Variants in LHX9 observed in about 807,000 individuals in gnomAD.
LHX9 encodes the protein LIM homeobox 9.
LHX9 carries 9 observed loss-of-function variants against 36.5 expected under a neutral mutation model. The ratio of observed to expected loss-of-function variants is 0.25; its 90% CI spans 0.15 to 0.43. LHX9 has a LOEUF of 0.43. Among genes scored for constraint, LHX9 ranks in the 20% least tolerant of loss-of-function variants. The pLI, the probability that LHX9 is intolerant of heterozygous loss-of-function variation, is 1.00. For missense variants in LHX9, 464 were observed against 526.4 expected, an observed-to-expected ratio of 0.88 and a Z score of 1.16; for synonymous variants, 211 against 212.1, an observed-to-expected ratio of 0.99 and a Z score of 0.04.
rs757308599 is a variant in LHX9, at chr1:197,929,041, C to A, written c.976C>A (p.Leu326Ile). Residue 326 changes from leucine (L) to isoleucine (I), a missense_variant, in exon 5 of 5, where the codon CTT (leucine) becomes ATT (isoleucine). Transcript: ENST00000367387. ...QNARAKFRRN[L>I]LRQENGGVDK... Reference sequence around the variant, plus strand: ...CGCACGAGCCAAATTCAGAAGGAACCTTTTGCGGCAGGAGAATGGGGGTGT... The same window carrying A: ...CGCACGAGCCAAATTCAGAAGGAACATTTTGCGGCAGGAGAATGGGGGTGT... 40 of 1,612,604 alleles carry A rather than the reference C, an allele frequency of 2.5e-5. No homozygotes were observed. The highest frequency in any genetic ancestry group is 3.4e-5 in the Non-Finnish European group (40 of 1,179,606).
chr1:197,916,019 C>A, upstream of LHX9: 1 of 152,286 alleles, frequency 6.6e-6, no homozygotes, highest in Non-Finnish European at 1.5e-5. Flanking sequence ...ACAGGCACCG[C>A]AGTCCTGGGA....
At chr1:197,913,958 A>G (rs1335548013), upstream of LHX9, among the ~76,000 whole-genome samples, 1 of 152,160 alleles carries the variant, frequency 6.6e-6, no homozygotes, top group Non-Finnish European at 1.5e-5. Flanking sequence ...CCTCCCCCCT[A>G]GGGAATTCTA....
chr1:197,923,354 T>A (rs1338144819), intron 3 of LHX9, among the ~76,000 whole-genome samples: 1 of 152,148 alleles, frequency 6.6e-6, no homozygotes, highest in East Asian at 1.9e-4. Context: ...GGAGATTTGG[T>A]TAGGGGCCAC....
At chr1:197,914,305 C>A (rs1659690035), upstream of LHX9, among the ~76,000 whole-genome samples, 2 of 152,182 alleles carry the variant, frequency 1.3e-5, no homozygotes, top group African/African-American at 4.8e-5. Flanking sequence ...GAACCACATG[C>A]ACCTGTCCCT....
At position 197,933,746 on chromosome 1, in the gene LHX9, A is replaced by G. The variant is rs1660387256; in HGVS notation, c.*4487A>G. 1 of 150,702 alleles carries G rather than the reference A, an allele frequency of 6.6e-6. No homozygotes were observed. The highest frequency in any genetic ancestry group is 2.4e-5 in the African/African-American group (1 of 41,220). 9.3% of individuals were successfully genotyped at this position (150,702 alleles called of 1,614,324 possible). ...ACAGGCACATTTTTTAAAACCAAAA[A>G]AAAAAAAAAAAAGAGAGAGAGAGAG... On this transcript the variant is annotated 3_prime_UTR_variant, in exon 5 of 5. Transcript: ENST00000367387.
rs551710008 is a variant in LHX9, at chr1:197,934,236, C to A, written c.*4977C>A. The A allele has an allele frequency of 1.4e-5, 2 of 147,492 alleles. No homozygotes were observed. Among genetic ancestry groups the A allele is most frequent in the South Asian group, 2.2e-4 (1 of 4,626 alleles). 9.1% of individuals were successfully genotyped at this position (147,492 alleles called of 1,614,324 possible). On this transcript the variant is annotated 3_prime_UTR_variant, in exon 5 of 5. Transcript: ENST00000367387. ...CTACCACACATTCTTTTATAATAAC[C>A]CTTTTTTGGGAGTCAAAGTATTGTT... is the stretch of plus-strand genomic sequence containing the variant.
chr1:197,919,052 G>T (rs1366759483), intron 1 of LHX9, among the ~76,000 whole-genome samples: 2 of 152,212 alleles, frequency 1.3e-5, no homozygotes, highest in East Asian at 3.8e-4. Flanking sequence ...CTGAAGTTTC[G>T]TGGGGAAGAT....
At position 197,921,306 on chromosome 1, in the gene LHX9, G is replaced by C; in HGVS notation, c.380G>C (p.Arg127Thr). 1 of 1,609,870 alleles carries C rather than the reference G, an allele frequency of 6.2e-7. No individual in the cohort carries two copies. Among genetic ancestry groups the C allele is most frequent in the South Asian group, 1.1e-5 (1 of 90,794 alleles). ...SIYCKEDYYR[R>T]FSVQRCARCH... is the part of the protein sequence containing the mutation. The stretch of plus-strand genomic sequence containing the variant: ...CTGACTCAACTCTTTCCTTCCAGAA[G>C]GTTCTCTGTGCAGAGATGTGCCCGC... The change falls in exon 3 of 5, where the codon AGG becomes ACG. Residue 127 changes from arginine to threonine, a missense_variant and splice_region_variant. By Grantham distance (71) the Arg-to-Thr change is moderately conservative. Transcript: ENST00000367387. The surrounding 1 kb of genome is among the most constrained non-coding windows in gnomAD (Gnocchi z 4.6).
At position 197,932,081 on chromosome 1, in the gene LHX9, A is replaced by T. The variant is rs947887969; in HGVS notation, c.*2822A>T. ...CATTAAAAAATTTATTAAGCCAAAA[A>T]AAAAGAGAGAGAGAGAGACTTAAAT... On this transcript the variant is annotated 3_prime_UTR_variant, in exon 5 of 5. Coordinates refer to ENST00000367387, the MANE Select transcript of LHX9 (RefSeq NM_020204.3). The T allele has an allele frequency of 1.3e-5, 10 of 742,992 alleles. No individual in the cohort carries two copies. Among genetic ancestry groups the T allele is most frequent in the Non-Finnish European group, 2.0e-5 (9 of 457,988 alleles). 46.0% of individuals were successfully genotyped at this position (742,992 alleles called of 1,614,324 possible). A position where few individuals can be genotyped will look rare whatever the true frequency, so the allele number is the denominator to read the frequency against.
chr1:197,919,863 C>T (rs1303218667), intron 1 of LHX9, 109 bp from the exon 2 acceptor site: 22 of 1,079,246 alleles, frequency 2.0e-5, no homozygotes, highest in Non-Finnish European at 2.9e-5. Flanking sequence ...GACCCTGGCC[C>T]CTGCCGCTCT....
At chr1:197,912,814 G>A (rs919975945), upstream of LHX9, 3 of 540,202 alleles carry the variant, frequency 5.6e-6, no homozygotes, top group Admixed American at 3.3e-5. Context: ...ATCAGTGTCC[G>A]GGGCGCCAGG....
chr1:197,934,971 G>T lies in LHX9; in HGVS notation c.*5712G>T, dbSNP rs913079231. 2.0e-5 allele frequency: 3 copies of T among 152,066 alleles called. No homozygotes were observed. The highest frequency in any genetic ancestry group is 7.2e-5 in the African/African-American group (3 of 41,416). The allele number at this position is 152,066 out of a possible 1,614,324, so 9.4% of individuals were successfully genotyped here. The stretch of plus-strand genomic sequence containing the variant: ...TTTTATTTTATGAGGTTCCCTGGCA[G>T]TTGGGGGGGTGGTGAGGTTGGGAGA... On this transcript the variant is annotated 3_prime_UTR_variant, in exon 5 of 5. Transcript: ENST00000367387.
At chr1:197,914,884 T>C (rs1451749527), upstream of LHX9, among the ~76,000 whole-genome samples, 1 of 152,228 alleles carries the variant, frequency 6.6e-6, no homozygotes, top group African/African-American at 2.4e-5. Flanking sequence ...ACTTGGAAAC[T>C]GATTGCAGAA....
intron 3 of LHX9, among the ~76,000 whole-genome samples, chr1:197,924,296 ACTAAAC>A (rs1267690551): frequency 6.6e-6 from 1 of 152,274 alleles, no homozygotes; most frequent in Non-Finnish European, 1.5e-5. Flanking sequence ...TAAGGTTGAT[ACTAAAC>A]TAAGTATAAT....
upstream of LHX9, among the ~76,000 whole-genome samples, chr1:197,914,401 A>ATTT (rs11390778): frequency 3.6e-3 from 529 of 148,706 alleles, 3 homozygotes; most frequent in East Asian, 0.014. Flanking sequence ...AAGGGGGAAC[A>ATTT]TTTTTTTTTT....
chr1:197,928,766 T>C (rs1660223045), intron 4 of LHX9, among the ~76,000 whole-genome samples: 1 of 151,798 alleles, frequency 6.6e-6, no homozygotes, highest in African/African-American at 2.4e-5. Flanking sequence ...CAGGGTGGAA[T>C]AAGTGCAGTT....
At position 197,933,722 on chromosome 1, in the gene LHX9, C is replaced by T. The variant is rs956217367; in HGVS notation, c.*4463C>T. The T allele has an allele frequency of 8.8e-6, 1 of 113,482 alleles. No individual in the cohort carries two copies. The highest frequency in any genetic ancestry group is 2.8e-4 in the South Asian group (1 of 3,538). 7.0% of individuals were successfully genotyped at this position (113,482 alleles called of 1,614,324 possible). ...CTGAAAAAAAAATACAAATTTGAAACAGGCACATTTTTTAAAACCAAAAAA... is the reference window on the plus strand; with the variant it reads ...CTGAAAAAAAAATACAAATTTGAAATAGGCACATTTTTTAAAACCAAAAAA... On this transcript the variant is annotated 3_prime_UTR_variant, in exon 5 of 5. Transcript: ENST00000367387.
At chr1:197,924,362 GA>G (rs1660084520) in intron 3 of LHX9, among the ~76,000 whole-genome samples, 1 of 152,180 alleles carries the variant, frequency 6.6e-6, no homozygotes, top group Non-Finnish European at 1.5e-5. Context: ...GTGATTCAAA[GA>G]ATCTCAGAGA....
At position 197,934,618 on chromosome 1, in the gene LHX9, A is replaced by G. The variant is rs571570179; in HGVS notation, c.*5359A>G. The G allele has an allele frequency of 2.0e-5, 3 of 152,242 alleles. No homozygotes were observed. Among genetic ancestry groups the G allele is most frequent in the Non-Finnish European group, 2.9e-5 (2 of 68,014 alleles). The allele number at this position is 152,242 out of a possible 1,614,324, so 9.4% of individuals were successfully genotyped here. ...ACTTAGTCCAAATTGACGAAATATCATTGAATTTTCTTTGAAAGCATATAT... is the reference window on the plus strand; with the variant it reads ...ACTTAGTCCAAATTGACGAAATATCGTTGAATTTTCTTTGAAAGCATATAT... On this transcript the variant is annotated 3_prime_UTR_variant, in exon 5 of 5. Coordinates refer to ENST00000367387, the MANE Select transcript of LHX9 (RefSeq NM_020204.3).
Sources: gnomAD v4.1 joint callset for allele counts (sites outside exome capture counted in the v4.1 genomes callset) on GRCh38, gnomAD v4.1.1 for gene constraint, Gnocchi (gnomAD v3.1) non-coding constraint, MANE v1.5 for transcripts, NCBI Gene and HGNC (gene_info 2026-07-23, HGNC 2026-07-21) for gene names.